RASGRP3: variants seen among roughly 807,000 people sequenced by gnomAD.
RASGRP3 encodes RAS guanyl releasing protein 3, also known as ras guanyl-releasing protein 3.
A neutral mutation model predicts 82.7 loss-of-function variants in RASGRP3; 54 were observed. The observed-to-expected ratio is 0.65, with a 90% CI of 0.52 to 0.82. The LOEUF (loss-of-function observed/expected upper bound fraction) is 0.82. Among genes scored for constraint, RASGRP3 ranks in the 40% least tolerant of loss-of-function variants. The pLI, the probability that RASGRP3 is intolerant of heterozygous loss-of-function variation, is 0.00. For missense variants in RASGRP3, 861 were observed against 828.9 expected, an observed-to-expected ratio of 1.04 and a Z score of -0.48; for synonymous variants, 309 against 300.5, an observed-to-expected ratio of 1.03 and a Z score of -0.29.
intron 1 of RASGRP3, among the ~76,000 whole-genome samples, chr2:33,497,025 A>G (rs1669391559): frequency 1.3e-5 from 2 of 152,202 alleles, no homozygotes; most frequent in Admixed American, 1.3e-4. Context: ...GATTAATGGT[A>G]GCTTTTTTTC....
chr2:33,525,364 C>T (rs1672442932), intron 9 of RASGRP3, among the ~76,000 whole-genome samples: 1 of 151,088 alleles, frequency 6.6e-6, no homozygotes, highest in Non-Finnish European at 1.5e-5. Context: ...ATATTAGAAA[C>T]AGTGATCATT....
chr2:33,531,330 T>C lies in RASGRP3; in HGVS notation c.1084-2993T>C, dbSNP rs569291686. On this transcript the variant is annotated intron_variant, in intron 10 of 17. Coordinates refer to ENST00000403687, the MANE Select transcript of RASGRP3 (RefSeq NM_001139488.2). ...TGAAATTCCATTGATGAGCAGCCCATATTATAAAAACGTTGTGCAGAAAGT... is the reference window on the plus strand; with the variant it reads ...TGAAATTCCATTGATGAGCAGCCCACATTATAAAAACGTTGTGCAGAAAGT... Among the ~76,000 whole-genome samples, 16 of 152,226 alleles carry C rather than the reference T, an allele frequency of 1.1e-4. No individual in the cohort carries two copies. The South Asian group carries it at 3.3e-3, about 32-fold the overall frequency.
chr2:33,472,865 C>T (rs1475768734), upstream of RASGRP3, among the ~76,000 whole-genome samples: 13 of 102,528 alleles, frequency 1.3e-4, no homozygotes, highest in East Asian at 8.1e-4. Flanking sequence ...AGCAAGACTC[C>T]GTCTCAAAAA....
At chr2:33,528,177 C>T (rs1028629315) in intron 10 of RASGRP3, among the ~76,000 whole-genome samples, 1 of 152,202 alleles carries the variant, frequency 6.6e-6, no homozygotes, top group Non-Finnish European at 1.5e-5. Context: ...GGAGGTATCA[C>T]TCTTTATTCG....
intron 2 of RASGRP3, among the ~76,000 whole-genome samples, chr2:33,462,438 G>C (rs1317034942): frequency 6.7e-6 from 1 of 149,782 alleles, no homozygotes; most frequent in African/African-American, 2.5e-5. Flanking sequence ...GGAGTACAGT[G>C]GTGCGATCGG....
intron 12 of RASGRP3, 44 bp from the exon 13 acceptor site, chr2:33,543,467 GC>G (rs1427520507): frequency 7.9e-7 from 1 of 1,258,736 alleles, no homozygotes; most frequent in Admixed American, 2.1e-5. Context: ...CAAGTTCAGA[GC>G]CTGCCTTATA....
At chr2:33,536,746 T>G (rs986438477) in intron 11 of RASGRP3, among the ~76,000 whole-genome samples, 3 of 152,172 alleles carry the variant, frequency 2.0e-5, no homozygotes, top group African/African-American at 7.2e-5. Flanking sequence ...TGACATGTCC[T>G]GTTGAGATGG....
chr2:33,529,301 T>C (rs1480140693), intron 10 of RASGRP3, among the ~76,000 whole-genome samples: 1 of 151,662 alleles, frequency 6.6e-6, no homozygotes, highest in Non-Finnish European at 1.5e-5. Context: ...GAGACCATCC[T>C]GGCTAACACG....
At chr2:33,458,820 A>T (rs1186310185) in intron 2 of RASGRP3, among the ~76,000 whole-genome samples, 1 of 152,220 alleles carries the variant, frequency 6.6e-6, no homozygotes, top group Non-Finnish European at 1.5e-5. Context: ...ACATTTGCTC[A>T]TTAAAATAAA....
chr2:33,507,071 C>T (rs1279560760), intron 1 of RASGRP3, among the ~76,000 whole-genome samples: 2 of 152,030 alleles, frequency 1.3e-5, no homozygotes, highest in Non-Finnish European at 2.9e-5. Flanking sequence ...AGAAACAAGA[C>T]CAATGCAGAA....
Position 33,524,496 on chromosome 2 carries a change from C to T in RASGRP3, c.755C>T (p.Ser252Phe). Residue 252 changes from serine to phenylalanine, a missense_variant, in exon 9 of 18, where the codon TCC (serine) becomes TTC (phenylalanine). Ser to Phe is a radical substitution (Grantham distance 155, BLOSUM62 -2). Transcript: ENST00000403687. ...GTGGTGGGAGGCCTCAGTCATAGTT[C>T]CATTTCACGCCTCAAAGAGACCCAT... ...MAVVGGLSHS[S>F]ISRLKETHSH... The T allele has an allele frequency of 6.2e-7, 1 of 1,605,460 alleles. No individual in the cohort carries two copies. Among genetic ancestry groups the T allele is most frequent in the Non-Finnish European group, 8.5e-7 (1 of 1,175,794 alleles).
chr2:33,498,030 CTT>C (rs1669488961), intron 1 of RASGRP3, among the ~76,000 whole-genome samples: 3 of 152,166 alleles, frequency 2.0e-5, no homozygotes, highest in Admixed American at 2.0e-4. Context: ...TCCCTTCTCT[CTT>C]TCTTTCCTTT....
intron 2 of RASGRP3, among the ~76,000 whole-genome samples, chr2:33,455,274 C>T (rs918381219): frequency 6.6e-6 from 1 of 152,148 alleles, no homozygotes; most frequent in Non-Finnish European, 1.5e-5. Flanking sequence ...ACAAATATTG[C>T]CATTCTCATC....
intron 2 of RASGRP3, among the ~76,000 whole-genome samples, chr2:33,451,482 C>T (rs1481678234): frequency 1.3e-5 from 2 of 152,066 alleles, no homozygotes; most frequent in African/African-American, 2.4e-5. Flanking sequence ...AAATCATTGC[C>T]GAGACCAATG....
At chr2:33,481,131 GC>G (rs1390084974) in intron 1 of RASGRP3, 1 of 152,312 alleles carries the variant, frequency 6.6e-6, no homozygotes, top group Admixed American at 6.6e-5. Flanking sequence ...CAAGTGCCAG[GC>G]TTTTTCTGTT....
At chr2:33,537,720 G>C (rs1341124326) in intron 11 of RASGRP3, among the ~76,000 whole-genome samples, 4 of 152,162 alleles carry the variant, frequency 2.6e-5, no homozygotes, top group Non-Finnish European at 4.4e-5. Context: ...GTGTGCACCA[G>C]CAAAAATGTT....
At chr2:33,484,890 T>A (rs947197978) in intron 1 of RASGRP3, among the ~76,000 whole-genome samples, 2 of 152,126 alleles carry the variant, frequency 1.3e-5, no homozygotes, top group African/African-American at 4.8e-5. Context: ...TGTCTCTCAC[T>A]ATGTCTGTGT....
intron 14 of RASGRP3, among the ~76,000 whole-genome samples, chr2:33,551,924 C>T (rs1452782475): frequency 1.3e-5 from 2 of 152,068 alleles, no homozygotes; most frequent in Non-Finnish European, 1.5e-5. Flanking sequence ...ACCCGGGAGG[C>T]GGAGCTTGCA....
At position 33,520,699 on chromosome 2, in the gene RASGRP3, G is replaced by A. The variant is rs374013664; in HGVS notation, c.368+15G>A. 1.9e-6 allele frequency: 3 copies of A among 1,613,254 alleles called. No homozygotes were observed. Among genetic ancestry groups the A allele is most frequent in the Admixed American group, 1.7e-5 (1 of 59,984 alleles). ...ATATCCAGCATGTAAGAGTGGCACC[G>A]ACGTCTTTCACACCCAATAAGTCCA... On this transcript the variant is annotated intron_variant, in intron 6 of 17. Transcript: ENST00000403687.
Sources: allele counts gnomAD v4.1 joint callset (sites outside exome capture counted in the v4.1 genomes callset), GRCh38; gene constraint gnomAD v4.1.1; transcripts MANE v1.5; gene names NCBI Gene and HGNC (gene_info 2026-07-23, HGNC 2026-07-21).